The following HGF variants were observed in gnomAD, a reference collection of about 807,000 sequenced individuals.
HGF encodes fibroblast-derived tumor cytotoxic factor.
HGF carries 39 observed loss-of-function variants against 111.6 expected under a neutral mutation model. The observed-to-expected ratio is 0.35, with a 90% confidence interval of 0.27 to 0.46. HGF has a LOEUF of 0.46. Ranked by LOEUF, HGF falls within the 20% of genes least tolerant of loss-of-function variation. HGF has a pLI of 1.00. For synonymous variants in HGF, 285 were observed against 294.8 expected (o/e 0.97, Z 0.34); for missense variants, 735 against 910.5 (o/e 0.81, Z 2.48).
chr7:81,751,948 T>C, intron 5 of HGF, 172 bp downstream of exon 5: 1 of 1,424,924 alleles, frequency 7.0e-7, no homozygotes, highest in Admixed American at 2.8e-5. Context: ...CTGGTGATAA[T>C]CCAACAGTTT....
chr7:81,749,649 T>G (rs903669277), intron 5 of HGF, among the ~76,000 whole-genome samples: 1 of 152,034 alleles, frequency 6.6e-6, no homozygotes, highest in African/African-American at 2.4e-5. Flanking sequence ...ATAGTCACCA[T>G]TCACACAATA....
intron 5 of HGF, among the ~76,000 whole-genome samples, chr7:81,747,055 C>A (rs1400390354): frequency 2.6e-5 from 4 of 152,106 alleles, no homozygotes; most frequent in African/African-American, 7.2e-5. Flanking sequence ...TATAAAAGTT[C>A]TGGCCAGGCA....
chr7:81,724,331 G>A (rs1789950646), intron 9 of HGF, among the ~76,000 whole-genome samples: 1 of 152,072 alleles, frequency 6.6e-6, no homozygotes, highest in Non-Finnish European at 1.5e-5. Context: ...ATGACACTGT[G>A]GAAAAAGTTA....
At chr7:81,733,618 A>C (rs1787735915) in intron 7 of HGF, among the ~76,000 whole-genome samples, 1 of 152,118 alleles carries the variant, frequency 6.6e-6, no homozygotes, top group African/African-American at 2.4e-5. Context: ...CCCCATAAAT[A>C]AAAACTACAT....
intron 4 of HGF, among the ~76,000 whole-genome samples, chr7:81,754,517 G>C (rs1386665435): frequency 2.0e-5 from 3 of 151,852 alleles, no homozygotes; most frequent in Non-Finnish European, 4.4e-5. Flanking sequence ...GAATAATGTA[G>C]AAATCAAAAG....
At chr7:81,748,109 A>AT (rs1027601450) in intron 5 of HGF, among the ~76,000 whole-genome samples, 8 of 151,974 alleles carry the variant, frequency 5.3e-5, no homozygotes, top group Non-Finnish European at 1.0e-4. Flanking sequence ...TAGTCTTAGT[A>AT]TTTTTTTTGC....
At position 81,701,668 on chromosome 7, in the gene HGF, G is replaced by A. The variant is rs929152579; in HGVS notation, c.*913C>T. Reference sequence around the variant, plus strand: ...TACAAATATCTTGTGTAAATAAGTGGCCTTAAGTTTGGAGGAAACAAATTA... The same window carrying A: ...TACAAATATCTTGTGTAAATAAGTGACCTTAAGTTTGGAGGAAACAAATTA... On this transcript the variant is annotated 3_prime_UTR_variant, in exon 18 of 18. Transcript: ENST00000222390. 6 of 151,516 alleles carry A rather than the reference G, an allele frequency of 4.0e-5. No homozygotes were observed. The South Asian group carries it at 1.2e-3, about 31-fold the overall frequency. 9.4% of individuals were successfully genotyped at this position (151,516 alleles called of 1,614,324 possible). A position where few individuals can be genotyped will look rare whatever the true frequency, so the allele number is the denominator to read the frequency against.
At position 81,725,975 on chromosome 7, in the gene HGF, T is replaced by A. The variant is rs762012189; in HGVS notation, c.1083A>T (p.Glu361Asp). ...GATCAGTGGTAAAACACCAGGGTGA[T>A]TCAGACCCATCTGGATTTCGGCAGT... ...ENYCRNPDGS[E>D]SPWCFTTDPN... The change falls in exon 9 of 18, where the codon GAA becomes GAT. Residue 361 changes from glutamate to aspartate, a missense_variant. Glu to Asp is a conservative substitution (Grantham distance 45). Around this residue, in one of 3 missense-constraint regions of HGF, gnomAD observed 553 missense variants for 685.6 expected, o/e 0.81. Coordinates refer to ENST00000222390, the MANE Select transcript of HGF (RefSeq NM_000601.6). 2 of 1,613,894 alleles carry A rather than the reference T, an allele frequency of 1.2e-6. No homozygotes were observed. The highest frequency in any genetic ancestry group is 1.7e-6 in the Non-Finnish European group (2 of 1,179,824).
chr7:81,761,428 A>C (rs1789071778), intron 2 of HGF, among the ~76,000 whole-genome samples: 1 of 152,102 alleles, frequency 6.6e-6, no homozygotes, highest in Non-Finnish European at 1.5e-5. Flanking sequence ...TATTTCTCTG[A>C]AAAAGGCAAG....
In HGF at chr7:81,720,785, T is replaced by C. The variant is rs1382781839; in HGVS notation, c.1231A>G (p.Thr411Ala). The change falls in exon 10 of 18, where the codon ACA (threonine) becomes GCA (alanine). Residue 411 changes from threonine (T) to alanine (A), a missense_variant. Physicochemically the swap from Thr to Ala is moderately conservative, Grantham distance 58. Coordinates refer to ENST00000222390, the MANE Select transcript of HGF (RefSeq NM_000601.6). ...GNLSQTRSGLTCSMWDKNMED... is the reference protein window; with the variant it reads ...GNLSQTRSGLACSMWDKNMED... Reference sequence around the variant, plus strand: ...ATGTTCTTGTCCCACATTGAACATGTTAGTCCAGATCTTGTTTGGGATAAG... The same window carrying C: ...ATGTTCTTGTCCCACATTGAACATGCTAGTCCAGATCTTGTTTGGGATAAG... 6.2e-7 allele frequency: 1 copy of C among 1,613,386 alleles called. No individual in the cohort carries two copies. Among genetic ancestry groups the C allele is most frequent in the Non-Finnish European group, 8.5e-7 (1 of 1,179,346 alleles).
At chr7:81,719,151 A>G (rs1163483699) in intron 10 of HGF, among the ~76,000 whole-genome samples, 1 of 152,158 alleles carries the variant, frequency 6.6e-6, no homozygotes, top group Non-Finnish European at 1.5e-5. Flanking sequence ...GCCTTTGCAC[A>G]TGCAATTTCT....
chr7:81,742,816 C>T (rs1483123137), intron 7 of HGF: 6 of 1,555,340 alleles, frequency 3.9e-6, no homozygotes, highest in Admixed American at 1.9e-5. Context: ...ACAAAGACAG[C>T]GAGAGAGGTA....
At chr7:81,755,430 T>A (rs1788715290) in intron 4 of HGF, 1 of 152,098 alleles carries the variant, frequency 6.6e-6, no homozygotes, top group African/African-American at 2.4e-5. Context: ...ATATACTGGA[T>A]CCTCTCGGCC....
At chr7:81,720,542 C>T (rs1194743728) in intron 10 of HGF, among the ~76,000 whole-genome samples, 6 of 152,104 alleles carry the variant, frequency 3.9e-5, no homozygotes, top group Non-Finnish European at 1.5e-5. Flanking sequence ...CAATAAATAT[C>T]CACTAACTTG....
At chr7:81,740,618 A>C (rs188179691) in intron 7 of HGF, among the ~76,000 whole-genome samples, 1 of 152,246 alleles carries the variant, frequency 6.6e-6, no homozygotes, top group African/African-American at 2.4e-5. Context: ...TCTTTAAAAG[A>C]GAGTCTGGAG....
chr7:81,751,115 A>AAT, intron 5 of HGF: 1 of 922,308 alleles, frequency 1.1e-6, no homozygotes, highest in Non-Finnish European at 1.3e-6. Context: ...TTATGTGATA[A>AAT]ATATCAACCT....
intron 8 of HGF, among the ~76,000 whole-genome samples, chr7:81,727,658 T>C (rs952381077): frequency 3.3e-5 from 5 of 152,180 alleles, no homozygotes; most frequent in African/African-American, 1.2e-4. Context: ...TTTTATTTTC[T>C]ATTATTTGGT....
At chr7:81,726,165 T>C (rs1465079502) in intron 8 of HGF, 148 bp from the exon 9 acceptor site, 2 of 765,860 alleles carry the variant, frequency 2.6e-6, no homozygotes, top group African/African-American at 1.7e-5. Flanking sequence ...AACAATTTAA[T>C]ATTCAGTATA....
intron 11 of HGF, among the ~76,000 whole-genome samples, chr7:81,715,562 T>G (rs1043403782): frequency 6.6e-6 from 1 of 152,072 alleles, no homozygotes; most frequent in African/African-American, 2.4e-5. Context: ...TATTTAGTTA[T>G]TTATTATTAT....
Sources: gnomAD v4.1 joint callset for allele counts (sites outside exome capture counted in the v4.1 genomes callset) on GRCh38, gnomAD v4.1.1 for gene constraint, gnomAD v4.1.1 regional missense constraint, MANE v1.5 for transcripts, NCBI Gene and HGNC (gene_info 2026-07-23, HGNC 2026-07-21) for gene names.